The following FERMT1 variants were observed in gnomAD, a reference collection of about 807,000 sequenced individuals.
The protein encoded by FERMT1 is fermitin family homolog 1.
FERMT1 carries 60 observed loss-of-function variants against 85.3 expected under a neutral mutation model. That is an observed-to-expected ratio of 0.70 (90% CI 0.57 to 0.87). The LOEUF (loss-of-function observed/expected upper bound fraction) is 0.87. Ranked by LOEUF, FERMT1 falls within the 40% of genes least tolerant of loss-of-function variation. The pLI, the probability that FERMT1 is intolerant of heterozygous loss-of-function variation, is 0.00. For synonymous variants in FERMT1, 275 were observed against 301.1 expected (o/e 0.91, Z 0.90); for missense variants, 701 against 818.9 (o/e 0.86, Z 1.76).
intron 7 of FERMT1, 93 bp from the exon 8 acceptor site, chr20:6,097,126 T>C: frequency 8.2e-7 from 1 of 1,219,384 alleles, no homozygotes; most frequent in Non-Finnish European, 1.2e-6. Context: ...TGAGGACTAT[T>C]CCCTTGGAAT....
intron 4 of FERMT1, 109 bp from the exon 5 acceptor site, chr20:6,110,620 C>A: frequency 1.1e-6 from 1 of 927,818 alleles, no homozygotes; most frequent in Non-Finnish European, 1.8e-6. Flanking sequence ...TTAAATTTGG[C>A]ACCATTTAAA....
At chr20:6,097,064 TATAAAC>T (rs763468537) in intron 7 of FERMT1, 31 bp from the exon 8 acceptor site, 2 of 1,605,954 alleles carry the variant, frequency 1.2e-6, no homozygotes, top group African/African-American at 2.7e-5. Context: ...TTAGAAATGT[TATAAAC>T]AGAAATGTTA....
chr20:6,109,936 A>G (rs548856432), intron 5 of FERMT1, among the ~76,000 whole-genome samples: 1 of 150,816 alleles, frequency 6.6e-6, no homozygotes, highest in Non-Finnish European at 1.5e-5. Context: ...GTGACATTCT[A>G]CAAAAGACAA....
At position 6,080,193 on chromosome 20, in the gene FERMT1, C is replaced by G. The variant is rs930702551; in HGVS notation, c.1719-616G>C. Among the ~76,000 whole-genome samples the G allele has an allele frequency of 3.3e-5, 5 of 151,898 alleles. No homozygotes were observed. The South Asian group carries it at 1.0e-3, about 32-fold the overall frequency. ...TGTGCTTAAGGACCTGCCAGGAGGC[C>G]CATGTGGCTGACACAGTGAAGGAGG... is the stretch of plus-strand genomic sequence containing the variant. On this transcript the variant is annotated intron_variant, in intron 13 of 14. Coordinates refer to ENST00000217289, the MANE Select transcript of FERMT1 (RefSeq NM_017671.5).
At chr20:6,116,859 A>G (rs918029865) in intron 2 of FERMT1, among the ~76,000 whole-genome samples, 1 of 152,218 alleles carries the variant, frequency 6.6e-6, no homozygotes, top group African/African-American at 2.4e-5. Flanking sequence ...TCTCTGTGCC[A>G]TGGCCCTTTC....
intron 6 of FERMT1, among the ~76,000 whole-genome samples, chr20:6,100,331 A>G (rs974502040): frequency 6.6e-6 from 1 of 152,328 alleles, no homozygotes; most frequent in Middle Eastern, 3.4e-3. Context: ...ATGCTAAGTG[A>G]AAAAAATTAT....
chr20:6,106,648 G>A (rs1447476790), intron 6 of FERMT1, among the ~76,000 whole-genome samples: 1 of 152,216 alleles, frequency 6.6e-6, no homozygotes, highest in Non-Finnish European at 1.5e-5. Flanking sequence ...GAAGTTCAAA[G>A]GACTTATCTC....
At chr20:6,102,050 C>A (rs375906897) in intron 6 of FERMT1, among the ~76,000 whole-genome samples, 3 of 152,116 alleles carry the variant, frequency 2.0e-5, no homozygotes, top group South Asian at 2.1e-4. Flanking sequence ...TTTTTAGAGG[C>A]ACGGTCTCAC....
At chr20:6,108,123 C>T (rs1416613200) in intron 5 of FERMT1, among the ~76,000 whole-genome samples, 1 of 152,224 alleles carries the variant, frequency 6.6e-6, no homozygotes, top group Non-Finnish European at 1.5e-5. Flanking sequence ...GCCTTGGCCT[C>T]CCAATGTGCT....
chr20:6,090,642 T>G (rs981202183), intron 9 of FERMT1, among the ~76,000 whole-genome samples: 2 of 151,868 alleles, frequency 1.3e-5, no homozygotes, highest in Non-Finnish European at 2.9e-5. Flanking sequence ...GTCCCAGCTA[T>G]GTGGGAGGAT....
intron 6 of FERMT1, among the ~76,000 whole-genome samples, chr20:6,097,920 T>C (rs1469159490): frequency 6.6e-6 from 1 of 152,078 alleles, no homozygotes; most frequent in Non-Finnish European, 1.5e-5. Flanking sequence ...GTTCATGCAA[T>C]TCTTGTGCCC....
chr20:6,112,786 C>A (rs990307799), intron 3 of FERMT1, among the ~76,000 whole-genome samples, 163 bp from the exon 4 acceptor site: 2 of 152,064 alleles, frequency 1.3e-5, no homozygotes, highest in African/African-American at 4.8e-5. Context: ...GAAAGGGGAA[C>A]AGAGACCTCC....
intron 10 of FERMT1, among the ~76,000 whole-genome samples, chr20:6,088,503 T>A (rs1982249139): frequency 1.3e-5 from 2 of 152,214 alleles, no homozygotes; most frequent in African/African-American, 4.8e-5. Context: ...AGGCTCATGC[T>A]TGGAAGAGCA....
intron 4 of FERMT1, among the ~76,000 whole-genome samples, chr20:6,110,795 A>G (rs1600445930): frequency 6.6e-6 from 1 of 152,308 alleles, no homozygotes; most frequent in Non-Finnish European, 1.5e-5. Flanking sequence ...AACCCAAAAA[A>G]TAATATGGAT....
chr20:6,085,811 C>T (rs1372551003), intron 11 of FERMT1, among the ~76,000 whole-genome samples: 7 of 150,562 alleles, frequency 4.6e-5, no homozygotes, highest in East Asian at 2.0e-4. Flanking sequence ...ATTGCACAAA[C>T]GCACTCGAGC....
chr20:6,081,809 T>TCACA (rs1982005941), intron 13 of FERMT1, among the ~76,000 whole-genome samples: 1 of 152,230 alleles, frequency 6.6e-6, no homozygotes. Context: ...ATGTCACTTT[T>TCACA]CACATCATTC....
Position 6,075,129 on chromosome 20 carries a change from TGTAACCAAACAAA to T in FERMT1, c.*2031_*2043del, listed in dbSNP as rs1981778668. 1 of 151,408 alleles carries T rather than the reference TGTAACCAAACAAA, an allele frequency of 6.6e-6. No homozygotes were observed. The highest frequency in any genetic ancestry group is 6.6e-5 in the Admixed American group (1 of 15,138). The allele number at this position is 151,408 out of a possible 1,614,324, so 9.4% of individuals were successfully genotyped here. ...ATGGAAGAAACGCTCCCCTGAAAACTGTAACCAAACAAAGTTTGGTTAAAACAAAGTTGGTTCC... is the reference window on the plus strand; with the variant it reads ...ATGGAAGAAACGCTCCCCTGAAAACTGTTTGGTTAAAACAAAGTTGGTTCC... On this transcript the variant is annotated 3_prime_UTR_variant, in exon 15 of 15. Transcript: ENST00000217289.
rs753934719 is a variant in FERMT1, at chr20:6,115,838, C to T, written c.358G>A (p.Ala120Thr). Reference protein sequence around the residue: ...RVSFSAVVFKAVSDICKILNI... With the variant: ...RVSFSAVVFKTVSDICKILNI... ...AGGATTTTGCAGATATCACTGACAG[C>T]TTTAAAAACCACAGCTGAGAAGCTG... Residue 120 changes from alanine (A) to threonine (T), a missense_variant, in exon 3 of 15, where the codon GCT (alanine) becomes ACT (threonine). Physicochemically the swap from Ala to Thr is moderately conservative, Grantham distance 58. Coordinates refer to ENST00000217289, the MANE Select transcript of FERMT1 (RefSeq NM_017671.5). The T allele has an allele frequency of 6.2e-6, 10 of 1,614,062 alleles. No homozygotes were observed. The highest frequency in any genetic ancestry group is 1.6e-4 in the Middle Eastern group (1 of 6,082).
intron 9 of FERMT1, chr20:6,094,288 C>T (rs1383091712): frequency 6.6e-6 from 1 of 152,276 alleles, no homozygotes; most frequent in Non-Finnish European, 1.5e-5. Flanking sequence ...CTAACATACG[C>T]TGGCACCATT....
Sources: gnomAD v4.1 joint callset for allele counts (sites outside exome capture counted in the v4.1 genomes callset) on GRCh38, gnomAD v4.1.1 for gene constraint, MANE v1.5 for transcripts, NCBI Gene and HGNC (gene_info 2026-07-23, HGNC 2026-07-21) for gene names.